The following ZNF516 variants were observed in gnomAD, a reference collection of about 807,000 sequenced individuals.
ZNF516 encodes the protein zinc finger protein 516.
A neutral mutation model predicts 79.7 loss-of-function variants in ZNF516; 19 were observed. The ratio of observed to expected loss-of-function variants is 0.24; its 90% confidence interval spans 0.17 to 0.35. ZNF516 has a LOEUF of 0.35. Among genes scored for constraint, ZNF516 ranks in the 10% least tolerant of loss-of-function variants. ZNF516 has a pLI of 1.00. For synonymous variants in ZNF516, 877 were observed against 739.5 expected (o/e 1.19, Z -3.02); for missense variants, 1,678 against 1,679.5 (o/e 1.00, Z 0.02).
At chr18:76,390,796 G>T (rs976309188) in intron 3 of ZNF516, among the ~76,000 whole-genome samples, 2 of 152,168 alleles carry the variant, frequency 1.3e-5, no homozygotes, top group Non-Finnish European at 2.9e-5. Flanking sequence ...GACACTTTCC[G>T]GGTTCACTGG....
chr18:76,473,562 G>C (rs1215674356), intron 1 of ZNF516, among the ~76,000 whole-genome samples: 1 of 152,122 alleles, frequency 6.6e-6, no homozygotes, highest in East Asian at 1.9e-4. Flanking sequence ...AGCACTTTGG[G>C]AGGCCAAGGT....
chr18:76,463,937 A>G (rs1219165778), intron 1 of ZNF516, among the ~76,000 whole-genome samples: 1 of 152,198 alleles, frequency 6.6e-6, no homozygotes, highest in Non-Finnish European at 1.5e-5. Flanking sequence ...TCAAAAGGAA[A>G]AAAGACAGAA....
intron 3 of ZNF516, among the ~76,000 whole-genome samples, chr18:76,440,089 T>A (rs2075796021): frequency 6.6e-6 from 1 of 152,254 alleles, no homozygotes; most frequent in African/African-American, 2.4e-5. Context: ...TATCTATGTA[T>A]ACACTCATAA....
intron 3 of ZNF516, among the ~76,000 whole-genome samples, chr18:76,424,545 C>CAT (rs2075563298): frequency 8.1e-6 from 1 of 123,530 alleles, no homozygotes; most frequent in Non-Finnish European, 1.7e-5. Context: ...AGGCTCCCCC[C>CAT]GAAACACACA....
At chr18:76,443,313 C>T in intron 2 of ZNF516, 102 bp from the exon 3 acceptor site, 2 of 481,248 alleles carry the variant, frequency 4.2e-6, no homozygotes, top group Non-Finnish European at 7.2e-6. Context: ...CCCATCCAAC[C>T]CACATTAAGA....
At chr18:76,410,631 A>G (rs2075363328) in intron 3 of ZNF516, among the ~76,000 whole-genome samples, 1 of 152,192 alleles carries the variant, frequency 6.6e-6, no homozygotes, top group African/African-American at 2.4e-5. Context: ...AAAAATTTCA[A>G]TTTGTTTTGG....
At chr18:76,492,309 T>C (rs1915278692) in intron 1 of ZNF516, 7 of 985,326 alleles carry the variant, frequency 7.1e-6, no homozygotes, top group Non-Finnish European at 8.4e-6. Flanking sequence ...TCACTACCGA[T>C]ATTCCTGAGA....
In ZNF516 at chr18:76,379,019, A is replaced by T. The variant is rs1195954775; in HGVS notation, c.3095T>A (p.Val1032Glu). The T allele has an allele frequency of 6.2e-7, 1 of 1,600,444 alleles. No homozygotes were observed. Among genetic ancestry groups the T allele is most frequent in the Non-Finnish European group, 8.5e-7 (1 of 1,173,902 alleles). ...GTGTAGGACGGGGGGCGCCCCAGCC[A>T]CGCCGGGCTGGGCCTGCAAGGCCGC... The part of the protein sequence containing the change: ...GDAALQAQPG[V>E]AGAPPVLHSI... The change falls in exon 4 of 7, where the codon GTG becomes GAG. Residue 1032 changes from valine to glutamate, a missense_variant. Coordinates refer to ENST00000443185, the MANE Select transcript of ZNF516 (RefSeq NM_014643.4).
At chr18:76,371,989 G>A (rs954400814) in intron 4 of ZNF516, among the ~76,000 whole-genome samples, 8 of 152,212 alleles carry the variant, frequency 5.3e-5, no homozygotes, top group African/African-American at 9.6e-5. Context: ...AGAGCCCACC[G>A]TGACCCGGCC....
At chr18:76,371,006 G>A (rs555937610) in intron 5 of ZNF516, among the ~76,000 whole-genome samples, 1 of 152,268 alleles carries the variant, frequency 6.6e-6, no homozygotes, top group East Asian at 1.9e-4. Flanking sequence ...GCCCGATCGG[G>A]TGCAAGCTCT....
chr18:76,408,060 A>T (rs1305113490), intron 3 of ZNF516, among the ~76,000 whole-genome samples: 1 of 152,218 alleles, frequency 6.6e-6, no homozygotes, highest in Non-Finnish European at 1.5e-5. Flanking sequence ...AAGGACCAGA[A>T]GGCTTTTTCC....
chr18:76,495,289 C>T (rs1157183117), upstream of ZNF516: 1 of 144,744 alleles, frequency 6.9e-6, no homozygotes, highest in African/African-American at 2.5e-5. Flanking sequence ...CGCGCGAGGG[C>T]GCGCGGGGCC....
Position 76,380,023 on chromosome 18 carries a change from C to T in ZNF516, c.2091G>A (p.Thr697=), listed in dbSNP as rs368331380. The part of the protein sequence containing the change: ...PGDGVEFPSS[T]GAEGQTGHPA... The stretch of plus-strand genomic sequence containing the variant: ...GGTGACCCGTCTGGCCCTCCGCTCC[C>T]GTACTGGAAGGGAACTCCACACCAT... Residue 697 remains threonine, a synonymous_variant, in exon 4 of 7, where the codon ACG becomes ACA. Transcript: ENST00000443185. 2.5e-5 allele frequency: 40 copies of T among 1,613,990 alleles called. No individual in the cohort carries two copies. The highest frequency in any genetic ancestry group is 3.3e-4 in the Middle Eastern group (2 of 6,062).
chr18:76,371,611 GGGTTGGCGTGGA>G, intron 4 of ZNF516, 40 bp from the exon 5 acceptor site: 1 of 1,564,688 alleles, frequency 6.4e-7, no homozygotes. Context: ...GGCCGTGGTG[GGGTTGGCGTGGA>G]GGTGAGGAGG....
chr18:76,473,869 T>C (rs1439646643), intron 1 of ZNF516, among the ~76,000 whole-genome samples: 1 of 139,194 alleles, frequency 7.2e-6, no homozygotes, highest in South Asian at 2.5e-4. Flanking sequence ...GAAGATGTAA[T>C]TGTCCTAACA....
upstream of ZNF516, chr18:76,496,141 G>C (rs1451672487): frequency 1.8e-6 from 1 of 566,078 alleles, no homozygotes; most frequent in South Asian, 1.9e-5. Context: ...TGGCCGGGGT[G>C]GGGGAGGGGA....
intron 1 of ZNF516, among the ~76,000 whole-genome samples, chr18:76,494,493 T>C (rs1194247027): frequency 2.7e-5 from 2 of 73,142 alleles, no homozygotes; most frequent in Admixed American, 3.9e-4. Context: ...CCAGGACCTC[T>C]CACTTCTTTA....
chr18:76,473,456 T>TG (rs1204858434), intron 1 of ZNF516, among the ~76,000 whole-genome samples: 2 of 144,870 alleles, frequency 1.4e-5, no homozygotes, highest in African/African-American at 5.1e-5. Context: ...AAAAGCAACA[T>TG]GGAAAAAATA....
chr18:76,440,411 G>A (rs761105255), intron 3 of ZNF516, among the ~76,000 whole-genome samples: 5 of 152,218 alleles, frequency 3.3e-5, no homozygotes, highest in Non-Finnish European at 5.9e-5. Context: ...CGGCGTTGCA[G>A]AGAAGGGAAA....
Sources: gnomAD v4.1 joint callset for allele counts (sites outside exome capture counted in the v4.1 genomes callset) on GRCh38, gnomAD v4.1.1 for gene constraint, MANE v1.5 for transcripts, NCBI Gene and HGNC (gene_info 2026-07-23, HGNC 2026-07-21) for gene names.